Variants in RGS3 observed in about 807,000 individuals in gnomAD.
RGS3 encodes the protein regulator of G-protein signalling 3.
RGS3 carries 80 observed loss-of-function variants against 132.6 expected under a neutral mutation model. The observed-to-expected ratio is 0.60, with a 90% CI of 0.50 to 0.73. The LOEUF (loss-of-function observed/expected upper bound fraction) is 0.73, where lower values mean the gene tolerates loss of function less well. Among genes scored for constraint, RGS3 ranks in the 30% least tolerant of loss-of-function variants. The pLI is 0.00. For missense variants in RGS3, 1,382 were observed against 1,530.8 expected (o/e 0.90, Z 1.62); for synonymous variants, 598 against 620.6 (o/e 0.96, Z 0.54).
chr9:113,557,460 A>T (rs902846399), intron 19 of RGS3, among the ~76,000 whole-genome samples: 1 of 152,200 alleles, frequency 6.6e-6, no homozygotes, highest in African/African-American at 2.4e-5. Context: ...GGATGGGTTA[A>T]ACTAATGGAC....
chr9:113,477,075 A>G (rs149547805), intron 3 of RGS3, among the ~76,000 whole-genome samples: 5 of 152,206 alleles, frequency 3.3e-5, no homozygotes, highest in East Asian at 3.9e-4. Flanking sequence ...CACAGTTTTC[A>G]TAGGTTTCTC....
intron 7 of RGS3, among the ~76,000 whole-genome samples, chr9:113,491,140 A>G (rs1027509579): frequency 1.4e-5 from 2 of 144,478 alleles, no homozygotes; most frequent in Non-Finnish European, 3.0e-5. Context: ...ATACTAATAT[A>G]TAATTATTTA....
intron 15 of RGS3, 132 bp from the exon 14 acceptor site, chr9:113,517,409 C>G: frequency 1.4e-6 from 1 of 737,236 alleles, no homozygotes; most frequent in Non-Finnish European, 2.5e-6. Flanking sequence ...GTTCTCGGGT[C>G]GGTGGCGGGC....
exon 25 of RGS3, chr9:113,597,300 G>C (rs141024752): frequency 0.013 from 2,591 of 193,222 alleles, 30 homozygotes; most frequent in Middle Eastern, 0.021. Flanking sequence ...TGATGGGGCA[G>C]GAGGTCCAGG....
At chr9:113,573,015 A>G (rs1487854221) in intron 19 of RGS3, among the ~76,000 whole-genome samples, 1 of 152,262 alleles carries the variant, frequency 6.6e-6, no homozygotes, top group Non-Finnish European at 1.5e-5. Flanking sequence ...TTATGATTAC[A>G]GAAATTGCAG....
At position 113,498,032 on chromosome 9, in the gene RGS3, G is replaced by A. The variant is rs147143307; in HGVS notation, c.849G>A (p.Leu283=). ...TGCTCTGTCACCTTCCAGACCCGCT[G>A]CTGAGAATGCCAGGAGGTGGGGACA... Residue 283 remains leucine (L), a synonymous_variant, in exon 10 of 25, where the codon CTG becomes CTA. Transcript: ENST00000350696. 29 of 1,613,980 alleles carry A rather than the reference G, an allele frequency of 1.8e-5. No homozygotes were observed. In the African/African-American group the frequency reaches 3.7e-4, roughly 21 times the overall value.
chr9:113,565,913 G>GTGTGTGTGTCTGTC lies in RGS3; in HGVS notation c.2038-17534_2038-17533insGTGTGTCTGTCTGT, dbSNP rs1381769881. 1.1e-4 allele frequency among the ~76,000 whole-genome samples: 16 copies of GTGTGTGTGTCTGTC among 144,416 alleles called. No individual in the cohort carries two copies. The highest frequency in any genetic ancestry group is 4.2e-4 in the African/African-American group (16 of 38,450). 94.7% of individuals were successfully genotyped at this position (144,416 alleles called of 152,430 possible). ...TGTGTGTGTGTGTGTGTGTGTGTGT[G>GTGTGTGTGTCTGTC]TGTCTGTCTGTCTGTCTGTCTCAGG... On this transcript the variant is annotated intron_variant, in intron 19 of 24. Transcript: ENST00000350696. The surrounding 1 kb of genome is among the most constrained non-coding windows in gnomAD (Gnocchi z 5.7).
At chr9:113,503,889 C>G (rs1277441392) in intron 10 of RGS3, among the ~76,000 whole-genome samples, 1 of 152,162 alleles carries the variant, frequency 6.6e-6, no homozygotes, top group Non-Finnish European at 1.5e-5. Flanking sequence ...ACACTCGTAC[C>G]CGCGTTTGTT....
At position 113,501,512 on chromosome 9, in the gene RGS3, G is replaced by A. The variant is rs1830890722; in HGVS notation, c.897+3432G>A. The A allele has an allele frequency of 1.5e-5, 23 of 1,532,388 alleles. No homozygotes were observed. The Admixed American group carries it at 2.4e-4, about 16-fold the overall frequency. 94.9% of individuals were successfully genotyped at this position (1,532,388 alleles called of 1,614,324 possible). A position where few individuals can be genotyped will look rare whatever the true frequency, so the allele number is the denominator to read the frequency against. On this transcript the variant is annotated intron_variant, in intron 10 of 24. Transcript: ENST00000350696. Reference sequence around the variant, plus strand: ...CATGCCAGGCTGACGGGTCCAGTGCGGGCTCCCGCTGCTGGGGGAGAGCTG... The same window carrying A: ...CATGCCAGGCTGACGGGTCCAGTGCAGGCTCCCGCTGCTGGGGGAGAGCTG...
At chr9:113,538,467 G>A (rs1832774348) in intron 19 of RGS3, among the ~76,000 whole-genome samples, 1 of 152,180 alleles carries the variant, frequency 6.6e-6, no homozygotes, top group Non-Finnish European at 1.5e-5. Context: ...TTTTCTGGGG[G>A]AAAGAGCTCT....
At chr9:113,465,736 A>G (rs1829619038) in intron 3 of RGS3, among the ~76,000 whole-genome samples, 1 of 152,084 alleles carries the variant, frequency 6.6e-6, no homozygotes, top group African/African-American at 2.4e-5. Context: ...CTGCTGCTTG[A>G]ACAAGTGACT....
chr9:113,527,722 A>G (rs1832277162), intron 17 of RGS3, among the ~76,000 whole-genome samples: 2 of 152,182 alleles, frequency 1.3e-5, no homozygotes, highest in African/African-American at 4.8e-5. Context: ...CACCCACACC[A>G]GGGCCCTCAT....
rs920551440 is a variant in RGS3 at position 113,564,838 on chromosome 9, T to C, written c.2038-18612T>C. 2.2e-5 allele frequency: 17 copies of C among 785,462 alleles called. No homozygotes were observed. In the South Asian group the frequency reaches 7.4e-4, roughly 34 times the overall value. 48.7% of individuals were successfully genotyped at this position (785,462 alleles called of 1,614,324 possible). A position where few individuals can be genotyped will look rare whatever the true frequency, so the allele number is the denominator to read the frequency against. ...CCTGGGGGCAGTCGCATTCTGGAAG[T>C]CAGCGTGTGCTGGCTGCAGGAGCCT... On this transcript the variant is annotated intron_variant, in intron 19 of 24. Transcript: ENST00000350696.
At chr9:113,535,238 A>G (rs140021671) in intron 18 of RGS3, among the ~76,000 whole-genome samples, 2,184 of 151,928 alleles carry the variant, frequency 0.014, 58 homozygotes, top group African/African-American at 0.05. Flanking sequence ...CAGTGGTGCG[A>G]TCCTGGCTCA....
rs754801036 is a variant in RGS3, at chr9:113,583,830, C to T, written c.2418C>T (p.Ser806=). 3 of 1,613,934 alleles carry T rather than the reference C, an allele frequency of 1.9e-6. No individual in the cohort carries two copies. The East Asian group carries it at 6.7e-5, about 36-fold the overall frequency. The change falls in exon 20 of 25, where the codon TCC becomes TCT. Residue 806 remains serine, a synonymous_variant. Coordinates refer to ENST00000350696, the Ensembl canonical transcript of RGS3. ...AAGACCTCCCTGCCATCCAGGAATC[C>T]CCCACCCGGGACCTTCCACCCTGTC...
At chr9:113,561,105 T>C (rs1185058178) in intron 19 of RGS3, among the ~76,000 whole-genome samples, 3 of 151,974 alleles carry the variant, frequency 2.0e-5, no homozygotes, top group Non-Finnish European at 4.4e-5. Flanking sequence ...CTCACTGCAA[T>C]CTTCACCTCC....
chr9:113,517,309 G>A (rs1336961452), intron 15 of RGS3: 2 of 657,796 alleles, frequency 3.0e-6, no homozygotes, highest in Non-Finnish European at 5.6e-6. Flanking sequence ...CTCTCACGGT[G>A]AGGGTTGATG....
chr9:113,464,247 A>G (rs550500203), intron 3 of RGS3, among the ~76,000 whole-genome samples: 1 of 152,186 alleles, frequency 6.6e-6, no homozygotes, highest in Non-Finnish European at 1.5e-5. Flanking sequence ...TGGAGATCTC[A>G]TTCACCCACT....
intron 3 of RGS3, among the ~76,000 whole-genome samples, chr9:113,470,645 G>C (rs546979255): frequency 5.9e-5 from 9 of 152,182 alleles, no homozygotes; most frequent in African/African-American, 1.9e-4. Context: ...CTACATTGTA[G>C]GTGTGCTGTG....
Sources: allele counts gnomAD v4.1 joint callset (sites outside exome capture counted in the v4.1 genomes callset), GRCh38; gene constraint gnomAD v4.1.1; non-coding constraint Gnocchi (gnomAD v3.1); transcripts MANE v1.5; gene names NCBI Gene and HGNC (gene_info 2026-07-23, HGNC 2026-07-21).